The following SRRM4 variants were observed in gnomAD, a reference collection of about 807,000 sequenced individuals.
SRRM4 encodes serine/arginine repetitive matrix protein 4.
SRRM4 carries 33 observed loss-of-function variants against 68.9 expected under a neutral mutation model. The ratio of observed to expected loss-of-function variants is 0.48; its 90% CI spans 0.36 to 0.64. The LOEUF (loss-of-function observed/expected upper bound fraction) is 0.64. Among genes scored for constraint, SRRM4 ranks in the 30% least tolerant of loss-of-function variants. The pLI, the probability that SRRM4 is intolerant of heterozygous loss-of-function variation, is 0.00. For synonymous variants in SRRM4, 318 were observed against 318.8 expected (o/e 1.00, Z 0.03); for missense variants, 817 against 827.1 (o/e 0.99, Z 0.15).
At position 119,082,242 on chromosome 12, in the gene SRRM4, T is replaced by G. The variant is rs904248669; in HGVS notation, c.132-19994T>G. ...AGCCAAGACCCTCCACAAAGAGAAG[T>G]CCCACACCCTGTCCAGCCTCTGTCC... On this transcript the variant is annotated intron_variant, in intron 1 of 12. Coordinates refer to ENST00000267260, the MANE Select transcript of SRRM4 (RefSeq NM_194286.4). Among the ~76,000 whole-genome samples the G allele has an allele frequency of 5.3e-5, 8 of 152,140 alleles. No individual in the cohort carries two copies. In the South Asian group the frequency reaches 1.7e-3, roughly 32 times the overall value.
chr12:119,003,390 T>C (rs1340112343), intron 1 of SRRM4, among the ~76,000 whole-genome samples: 4 of 151,866 alleles, frequency 2.6e-5, no homozygotes, highest in Admixed American at 6.6e-5. Flanking sequence ...TGATTTTTTA[T>C]ACTCTCAGGG....
intron 7 of SRRM4, 88 bp downstream of exon 7, chr12:119,125,567 C>G (rs58198276): frequency 0.2 from 228,745 of 1,159,984 alleles, 23,866 homozygotes; most frequent in Non-Finnish European, 0.21. Flanking sequence ...CTCCACACTT[C>G]CAGCACAGGG....
At chr12:119,074,333 C>T (rs905507841) in intron 1 of SRRM4, among the ~76,000 whole-genome samples, 1 of 152,228 alleles carries the variant, frequency 6.6e-6, no homozygotes, top group Non-Finnish European at 1.5e-5. Context: ...TTTCAGTGTA[C>T]GGACAGAGCA....
chr12:119,114,695 C>T (rs1010192035), intron 3 of SRRM4, among the ~76,000 whole-genome samples: 4 of 125,710 alleles, frequency 3.2e-5, no homozygotes, highest in African/African-American at 9.2e-5. Flanking sequence ...GACGGAGTCT[C>T]GCTCTGTCAC....
intron 3 of SRRM4, 23 bp from the exon 4 acceptor site, chr12:119,116,914 A>T: frequency 6.2e-7 from 1 of 1,608,566 alleles, no homozygotes; most frequent in Non-Finnish European, 8.5e-7. Flanking sequence ...TCCTTCTGAA[A>T]TGTGTCTTCT....
intron 1 of SRRM4, among the ~76,000 whole-genome samples, chr12:119,035,201 G>T (rs764412500): frequency 2.6e-5 from 4 of 151,880 alleles, no homozygotes; most frequent in Non-Finnish European, 4.4e-5. Context: ...TATATAATTC[G>T]TGGGTCACAA....
chr12:119,110,169 C>G (rs1422674633), intron 2 of SRRM4, among the ~76,000 whole-genome samples: 2 of 152,206 alleles, frequency 1.3e-5, no homozygotes, highest in African/African-American at 4.8e-5. Flanking sequence ...ATGTTGCTGC[C>G]TGATCCTTCC....
At chr12:119,141,135 G>C (rs1374462800) in intron 8 of SRRM4, among the ~76,000 whole-genome samples, 4 of 152,130 alleles carry the variant, frequency 2.6e-5, no homozygotes. Context: ...TAGAGACAAG[G>C]TTTCGCCATG....
intron 1 of SRRM4, among the ~76,000 whole-genome samples, chr12:119,091,260 A>AGAG (rs748070100): frequency 7.2e-5 from 11 of 152,192 alleles, no homozygotes; most frequent in Non-Finnish European, 1.0e-4. Flanking sequence ...GACTGTAGAG[A>AGAG]GAGAAGCCTG....
At chr12:119,080,040 C>A (rs886295715) in intron 1 of SRRM4, among the ~76,000 whole-genome samples, 1 of 152,160 alleles carries the variant, frequency 6.6e-6, no homozygotes, top group Non-Finnish European at 1.5e-5. Flanking sequence ...CTCAAATGCT[C>A]AGGAGAACTC....
intron 1 of SRRM4, among the ~76,000 whole-genome samples, chr12:119,084,371 G>A (rs1206952950): frequency 6.6e-6 from 1 of 152,216 alleles, no homozygotes; most frequent in African/African-American, 2.4e-5. Flanking sequence ...ATGAGGACTA[G>A]AGTCATGCAC....
At chr12:119,129,686 C>T (rs1224672845) in intron 7 of SRRM4, among the ~76,000 whole-genome samples, 2 of 151,998 alleles carry the variant, frequency 1.3e-5, no homozygotes, top group East Asian at 1.9e-4. Flanking sequence ...ATCCTCAGAC[C>T]CTAAAGCAGT....
chr12:119,082,393 T>A (rs1953954381), intron 1 of SRRM4, among the ~76,000 whole-genome samples: 1 of 152,220 alleles, frequency 6.6e-6, no homozygotes, highest in African/African-American at 2.4e-5. Flanking sequence ...AATGTGGACC[T>A]GTAGGGGCTT....
At chr12:119,075,387 G>GGAT (rs148888463) in intron 1 of SRRM4, among the ~76,000 whole-genome samples, 1 of 151,646 alleles carries the variant, frequency 6.6e-6, no homozygotes, top group East Asian at 1.9e-4. Flanking sequence ...ATGATGGTGA[G>GGAT]GATGATGATG....
chr12:118,991,840 A>C (rs1472423703), intron 1 of SRRM4: 1 of 152,180 alleles, frequency 6.6e-6, no homozygotes, highest in Non-Finnish European at 1.5e-5. Flanking sequence ...TGTTGAATAA[A>C]TTGTTAATGA....
rs144870221 is a variant in SRRM4 at position 119,025,465 on chromosome 12, A to G, written c.131+43452A>G. 8.7e-3 allele frequency among the ~76,000 whole-genome samples: 1,313 copies of G among 151,592 alleles called. 16 individuals are homozygous for G. Among genetic ancestry groups the G allele is most frequent in the African/African-American group, 0.03 (1,242 of 41,306 alleles). On this transcript the variant is annotated intron_variant, in intron 1 of 12. Coordinates refer to ENST00000267260, the MANE Select transcript of SRRM4 (RefSeq NM_194286.4). ...GTTTGTTTGTTTGTTTGTTCTTGAG[A>G]CTGAGTTTCACTCTTGTTGCCCAGG...
chr12:119,022,961 C>T (rs1412007211), intron 1 of SRRM4, among the ~76,000 whole-genome samples: 1 of 152,170 alleles, frequency 6.6e-6, no homozygotes, highest in Non-Finnish European at 1.5e-5. Context: ...ACACAATGAG[C>T]AGAGCATCTC....
At chr12:119,023,388 C>T (rs879530302) in intron 1 of SRRM4, among the ~76,000 whole-genome samples, 4 of 152,312 alleles carry the variant, frequency 2.6e-5, no homozygotes, top group East Asian at 1.9e-4. Context: ...TCTTCCTCCT[C>T]GACCTAGTTT....
rs375643051 is a variant in SRRM4, at chr12:119,038,631, ATCATTTCTGTGTGCTCTTTTGTT to A, written c.131+56621_131+56643del. Among the ~76,000 whole-genome samples, 169 of 152,300 alleles carry A rather than the reference ATCATTTCTGTGTGCTCTTTTGTT, an allele frequency of 1.1e-3. 4 individuals are homozygous for A. Among genetic ancestry groups the A allele is most frequent in the African/African-American group, 3.9e-3 (164 of 41,572 alleles). On this transcript the variant is annotated intron_variant, in intron 1 of 12. Coordinates refer to ENST00000267260, the MANE Select transcript of SRRM4 (RefSeq NM_194286.4). The stretch of plus-strand genomic sequence containing the variant: ...TTCTCAACTCAGCAAAGTTTGCTTC[ATCATTTCTGTGTGCTCTTTTGTT>A]TCCTTCTTATCAGACAGTATCAAGT...
Sources: allele counts gnomAD v4.1 joint callset (sites outside exome capture counted in the v4.1 genomes callset), GRCh38; gene constraint gnomAD v4.1.1; transcripts MANE v1.5; gene names NCBI Gene and HGNC (gene_info 2026-07-23, HGNC 2026-07-21).